The following SYNE2 variants were observed in gnomAD, a reference collection of about 807,000 sequenced individuals.
SYNE2 encodes nesprin-2.
In SYNE2, 431 loss-of-function variants were observed where a neutral mutation model predicts 856.3. The ratio of observed to expected loss-of-function variants is 0.50; its 90% CI spans 0.47 to 0.55. SYNE2 has a LOEUF of 0.55. Among genes scored for constraint, SYNE2 ranks in the 20% least tolerant of loss-of-function variants. The pLI is 0.00. For missense variants in SYNE2, 8,129 were observed against 8,023.2 expected, an observed-to-expected ratio of 1.01 and a Z score of -0.50; for synonymous variants, 2,923 against 2,872.3, an observed-to-expected ratio of 1.02 and a Z score of -0.56.
At chr14:63,881,400 G>A (rs970120291) in intron 1 of SYNE2, among the ~76,000 whole-genome samples, 7 of 151,748 alleles carry the variant, frequency 4.6e-5, no homozygotes, top group Non-Finnish European at 1.0e-4. Context: ...AGTGGCTTAC[G>A]GCTGTAATCC....
Position 64,000,640 on chromosome 14 carries a change from A to G in SYNE2, c.3559A>G (p.Ile1187Val), listed in dbSNP as rs57259697. The change falls in exon 28 of 116, where the codon ATA (isoleucine) becomes GTA (valine). Residue 1187 changes from isoleucine (I) to valine (V), a missense_variant. This residue lies in a region of SYNE2 where 2,422 missense variants were observed against 2,357.4 expected (regional missense o/e 1.03). Transcript: ENST00000555002. ...SLKLENHVND[I>V]KKPFVIKERD... ...GAAGTTAGAAAATCATGTGAATGAC[A>G]TAAAAAAGCCTTTTGTAATTAAGGA... 2 of 1,613,548 alleles carry G rather than the reference A, an allele frequency of 1.2e-6. No individual in the cohort carries two copies. The highest frequency in any genetic ancestry group is 1.7e-6 in the Non-Finnish European group (2 of 1,179,786).
chr14:63,839,171 A>G (rs1408966320), intron 1 of SYNE2, among the ~76,000 whole-genome samples: 1 of 152,056 alleles, frequency 6.6e-6, no homozygotes, highest in Non-Finnish European at 1.5e-5. Context: ...CTGGGACTAC[A>G]GTCATGTGCC....
rs185547479 is a variant in SYNE2, at chr14:63,937,255, C to T, written c.80-3359C>T. 4.3e-4 allele frequency among the ~76,000 whole-genome samples: 66 copies of T among 152,174 alleles called. No individual in the cohort carries two copies. The East Asian group carries it at 6.2e-3, about 14-fold the overall frequency. ...ACACAAACTATTTGAGGCATTTTGC[C>T]GCAAAGGAGCAGACAAATGAAGCGA... On this transcript the variant is annotated intron_variant, in intron 2 of 115. Transcript: ENST00000555002.
chr14:63,771,138 C>T (rs989596696), intron 1 of SYNE2, among the ~76,000 whole-genome samples: 3 of 146,402 alleles, frequency 2.0e-5, no homozygotes, highest in Non-Finnish European at 3.0e-5. Flanking sequence ...GGCGCAATCT[C>T]GGCTCACTGC....
chr14:64,002,173 C>T (rs2096760316), intron 29 of SYNE2, 92 bp downstream of exon 29: 1 of 1,097,956 alleles, frequency 9.1e-7, no homozygotes. Flanking sequence ...TTCATGATAG[C>T]ATAGATTAAG....
In SYNE2 at chr14:64,216,354, C is replaced by A. The variant is rs1211489077; in HGVS notation, c.19509C>A (p.Pro6503=). 3.7e-6 allele frequency: 6 copies of A among 1,614,098 alleles called. No homozygotes were observed. The highest frequency in any genetic ancestry group is 5.1e-6 in the Non-Finnish European group (6 of 1,180,056). Residue 6503 remains proline (P), a synonymous_variant, in exon 108 of 116, where the codon CCC becomes CCA. Transcript: ENST00000555002. ...MEGDRNVPPV[P]PASSTPYKPP... The stretch of plus-strand genomic sequence containing the variant: ...GTGACAGGAATGTTCCACCTGTTCC[C>A]CCTGCGTCCAGCACCCCTTATAAAC...
At chr14:63,890,715 C>T (rs1566724403) in intron 1 of SYNE2, among the ~76,000 whole-genome samples, 1 of 152,200 alleles carries the variant, frequency 6.6e-6, no homozygotes, top group Non-Finnish European at 1.5e-5. Flanking sequence ...TGACTAGGCT[C>T]ACTTATCCTG....
intron 62 of SYNE2, chr14:64,098,374 A>C (rs1372161935): frequency 1.6e-6 from 1 of 614,490 alleles, no homozygotes; most frequent in African/African-American, 1.8e-5. Flanking sequence ...ACTTTAGGAC[A>C]TGCTTATAAA....
chr14:64,160,031 A>G (rs565653875), intron 87 of SYNE2, among the ~76,000 whole-genome samples: 1 of 152,342 alleles, frequency 6.6e-6, no homozygotes, highest in South Asian at 2.1e-4. Flanking sequence ...GAGTTATGCT[A>G]TCTTAAGTGT....
chr14:64,123,484 A>G (rs987276140), intron 70 of SYNE2, among the ~76,000 whole-genome samples: 4 of 152,344 alleles, frequency 2.6e-5, no homozygotes, highest in Middle Eastern at 3.4e-3. Flanking sequence ...TTAAAGTTCA[A>G]TCAAACTCAT....
At chr14:64,091,976 CTG>C (rs1157091278) in intron 60 of SYNE2, among the ~76,000 whole-genome samples, 1 of 152,122 alleles carries the variant, frequency 6.6e-6, no homozygotes, top group African/African-American at 2.4e-5. Context: ...TTTGAGGAGA[CTG>C]TAATCTCTGG....
At chr14:64,081,878 A>G (rs1011383216) in intron 57 of SYNE2, among the ~76,000 whole-genome samples, 2 of 152,108 alleles carry the variant, frequency 1.3e-5, no homozygotes, top group Non-Finnish European at 2.9e-5. Flanking sequence ...CAAGGTTAGG[A>G]GATCGAGACC....
chr14:64,226,390 T>G lies in SYNE2; in HGVS notation c.*864T>G, dbSNP rs992771915. The G allele has an allele frequency of 2.0e-5, 3 of 152,642 alleles. No homozygotes were observed. The highest frequency in any genetic ancestry group is 7.2e-5 in the African/African-American group (3 of 41,452). 9.5% of individuals were successfully genotyped at this position (152,642 alleles called of 1,614,324 possible). On this transcript the variant is annotated 3_prime_UTR_variant, in exon 116 of 116. Transcript: ENST00000555002. Reference sequence around the variant, plus strand: ...CAGAAACTTGAAGCTGTTTGTGATATGTACAACTCAGATGTTTCTCATTAA... The same window carrying G: ...CAGAAACTTGAAGCTGTTTGTGATAGGTACAACTCAGATGTTTCTCATTAA...
chr14:64,144,938 T>G (rs2098169093), intron 83 of SYNE2, among the ~76,000 whole-genome samples: 1 of 150,286 alleles, frequency 6.7e-6, no homozygotes, highest in Admixed American at 6.6e-5. Flanking sequence ...TTTTTTTTTT[T>G]TTTTTTGAGA....
At chr14:64,078,335 G>A in intron 54 of SYNE2, 131 bp from the exon 55 acceptor site, 2 of 1,059,964 alleles carry the variant, frequency 1.9e-6, no homozygotes, top group Non-Finnish European at 2.8e-6. Flanking sequence ...GCATTTGCCA[G>A]AATTTCTTCC....
chr14:64,003,737 G>A (rs928424979), intron 30 of SYNE2, among the ~76,000 whole-genome samples: 1 of 149,294 alleles, frequency 6.7e-6, no homozygotes, highest in Non-Finnish European at 1.5e-5. Flanking sequence ...TCTTGTCCCT[G>A]CTTCTTCCTT....
Position 64,162,289 on chromosome 14 carries a change from C to G in SYNE2, c.16299+13C>G, listed in dbSNP as rs772967561. 1.9e-6 allele frequency: 3 copies of G among 1,613,800 alleles called. No homozygotes were observed. Among genetic ancestry groups the G allele is most frequent in the Non-Finnish European group, 2.5e-6 (3 of 1,179,876 alleles). On this transcript the variant is annotated intron_variant, in intron 88 of 115. Coordinates refer to ENST00000555002, the MANE Select transcript of SYNE2 (RefSeq NM_182914.3). ...GCAGGACATAAAGGTGGGTACAAAG[C>G]CCATTTGGAAAACCAAGGCCAAGTC...
Position 64,190,101 on chromosome 14 carries a change from G to C in SYNE2, c.17902G>C (p.Glu5968Gln), listed in dbSNP as rs756577484. Residue 5968 changes from glutamate to glutamine, a missense_variant, in exon 99 of 116, where the codon GAA becomes CAA. Glu to Gln is a conservative substitution (Grantham distance 29). Coordinates refer to ENST00000555002, the MANE Select transcript of SYNE2 (RefSeq NM_182914.3). ...DCMEEINLFS[E>Q]NKLQLKQMGD... ...CATGGAAGAAATAAACTTGTTTAGT[G>C]AAAACAAGTTACAGTTAAAGCAGAT... 1.2e-6 allele frequency: 2 copies of C among 1,613,974 alleles called. No individual in the cohort carries two copies. The highest frequency in any genetic ancestry group is 3.3e-5 in the Admixed American group (2 of 60,006).
intron 11 of SYNE2, among the ~76,000 whole-genome samples, chr14:63,975,819 A>G (rs1220233429): frequency 6.6e-6 from 1 of 152,228 alleles, no homozygotes; most frequent in Non-Finnish European, 1.5e-5. Context: ...AGCTTTCTGT[A>G]TCTTTATCTC....
Sources: allele counts gnomAD v4.1 joint callset (sites outside exome capture counted in the v4.1 genomes callset), GRCh38; gene constraint gnomAD v4.1.1; regional missense constraint gnomAD v4.1.1; transcripts MANE v1.5; gene names NCBI Gene and HGNC (gene_info 2026-07-23, HGNC 2026-07-21).